RALGAPA2: variants seen among roughly 807,000 people sequenced by gnomAD.
RALGAPA2 encodes ral GTPase-activating protein subunit alpha-2.
RALGAPA2 carries 139 observed loss-of-function variants against 230.4 expected under a neutral mutation model. That is an observed-to-expected ratio of 0.60 (90% confidence interval 0.53 to 0.69). RALGAPA2 has a LOEUF of 0.69. Ranked by LOEUF, RALGAPA2 falls within the 30% of genes least tolerant of loss-of-function variation. The pLI, the probability that RALGAPA2 is intolerant of heterozygous loss-of-function variation, is 0.00. For missense variants in RALGAPA2, 2,163 were observed against 2,276.0 expected (o/e 0.95, Z 1.01); for synonymous variants, 847 against 837.8 (o/e 1.01, Z -0.19).
chr20:20,622,639 T>C (rs893911789), intron 10 of RALGAPA2, among the ~76,000 whole-genome samples: 6 of 152,140 alleles, frequency 3.9e-5, no homozygotes, highest in African/African-American at 4.8e-5. Context: ...TACAGACATT[T>C]TCAGATGAGA....
rs1282194455 is a variant in RALGAPA2, at chr20:20,398,276, C to G, written c.5618-1542G>C. 6.6e-6 allele frequency among the ~76,000 whole-genome samples: 1 copy of G among 152,210 alleles called. No individual in the cohort carries two copies. Among genetic ancestry groups the G allele is most frequent in the African/African-American group, 2.4e-5 (1 of 41,456 alleles). Reference sequence around the variant, plus strand: ...GCCCTGGTTATGCTGTGCGTACAGGCACCCGATTGGTAGAAACCAAGAAAG... The same window carrying G: ...GCCCTGGTTATGCTGTGCGTACAGGGACCCGATTGGTAGAAACCAAGAAAG... On this transcript the variant is annotated intron_variant, in intron 38 of 39. Coordinates refer to ENST00000202677, the MANE Select transcript of RALGAPA2 (RefSeq NM_020343.4). The surrounding 1 kb of genome is among the most constrained non-coding windows in gnomAD (Gnocchi z 4.5).
At chr20:20,669,236 C>T (rs946442340) in intron 3 of RALGAPA2, among the ~76,000 whole-genome samples, 2 of 152,282 alleles carry the variant, frequency 1.3e-5, no homozygotes, top group South Asian at 2.1e-4. Flanking sequence ...ACATGTATAA[C>T]TCCAAACTAT....
intron 9 of RALGAPA2, 144 bp from the exon 10 acceptor site, chr20:20,629,734 C>T (rs529816966): frequency 1.1e-5 from 8 of 732,698 alleles, no homozygotes; most frequent in East Asian, 2.7e-5. Flanking sequence ...GCTTGAAGCA[C>T]GATAGGCTCC....
chr20:20,602,619 G>GT (rs1227050842), intron 15 of RALGAPA2, among the ~76,000 whole-genome samples: 2 of 152,188 alleles, frequency 1.3e-5, no homozygotes, highest in African/African-American at 4.8e-5. Flanking sequence ...GAAGGCAAGT[G>GT]TTTCTATAAT....
chr20:20,397,740 C>T (rs1015274584), intron 38 of RALGAPA2, among the ~76,000 whole-genome samples: 5 of 152,194 alleles, frequency 3.3e-5, no homozygotes, highest in Admixed American at 2.6e-4. Flanking sequence ...CAGGAGGTGA[C>T]CACTAACATT....
chr20:20,583,349 G>T, intron 19 of RALGAPA2, 123 bp from the exon 20 acceptor site: 2 of 1,087,958 alleles, frequency 1.8e-6, no homozygotes, highest in Non-Finnish European at 1.3e-6. Context: ...CATGTTCTTT[G>T]GCAGAACCTG....
At chr20:20,660,276 G>A (rs2067729618) in intron 3 of RALGAPA2, among the ~76,000 whole-genome samples, 1 of 151,056 alleles carries the variant, frequency 6.6e-6, no homozygotes, top group South Asian at 2.1e-4. Context: ...CTTTGCCTCT[G>A]TGAGTTCTCA....
intron 1 of RALGAPA2, among the ~76,000 whole-genome samples, chr20:20,690,020 G>A (rs749847638): frequency 5.9e-5 from 9 of 151,908 alleles, no homozygotes; most frequent in Non-Finnish European, 1.3e-4. Context: ...ATCTTTTTCA[G>A]TCTAAGGTTA....
chr20:20,646,023 G>A (rs2067204099), intron 4 of RALGAPA2, among the ~76,000 whole-genome samples: 2 of 149,934 alleles, frequency 1.3e-5, no homozygotes, highest in South Asian at 4.2e-4. Flanking sequence ...CTGGTAATAA[G>A]TAGCTGAGAA....
intron 1 of RALGAPA2, among the ~76,000 whole-genome samples, chr20:20,681,648 A>C (rs1026819400): frequency 1.1e-4 from 17 of 152,318 alleles, no homozygotes; most frequent in Admixed American, 1.1e-3. Context: ...GTACTGACCA[A>C]GGAGTTGGCA....
chr20:20,600,427 G>A (rs541411638), intron 16 of RALGAPA2, among the ~76,000 whole-genome samples: 1 of 152,224 alleles, frequency 6.6e-6, no homozygotes, highest in Non-Finnish European at 1.5e-5. Context: ...CTCCTCAGGG[G>A]AGAGAATGAC....
rs369361752 is a variant in RALGAPA2, at chr20:20,456,838, CT to C, written c.5495+15990del. ...TTCTGCAAAAATCTTTATAAAGTTC[CT>C]TTTTTTTTTTAAGTGACAGTGTCTG... On this transcript the variant is annotated intron_variant, in intron 37 of 39. Coordinates refer to ENST00000202677, the MANE Select transcript of RALGAPA2 (RefSeq NM_020343.4). 9.6e-3 allele frequency among the ~76,000 whole-genome samples: 1,408 copies of C among 146,540 alleles called. 15 individuals are homozygous for C. The highest frequency in any genetic ancestry group is 0.03 in the African/African-American group (1,218 of 40,260).
At chr20:20,631,676 A>T (rs2066676636) in intron 9 of RALGAPA2, among the ~76,000 whole-genome samples, 1 of 152,206 alleles carries the variant, frequency 6.6e-6, no homozygotes, top group South Asian at 2.1e-4. Context: ...TGACTTTCAG[A>T]ACTGTAAGAT....
chr20:20,608,835 A>C (rs2065899100), intron 14 of RALGAPA2, among the ~76,000 whole-genome samples: 1 of 152,188 alleles, frequency 6.6e-6, no homozygotes. Flanking sequence ...CAGGGTAAGA[A>C]GAAGTCCTTT....
At chr20:20,533,247 G>C (rs962722824) in intron 26 of RALGAPA2, among the ~76,000 whole-genome samples, 1 of 151,876 alleles carries the variant, frequency 6.6e-6, no homozygotes, top group Non-Finnish European at 1.5e-5. Flanking sequence ...AAAAAATAAA[G>C]GTGGGATGGG....
chr20:20,484,395 A>G (rs976249540), intron 36 of RALGAPA2, among the ~76,000 whole-genome samples: 2 of 152,164 alleles, frequency 1.3e-5, no homozygotes, highest in South Asian at 2.1e-4. Flanking sequence ...ATGGAACTCC[A>G]TGGAGCACCA....
intron 18 of RALGAPA2, 84 bp from the exon 19 acceptor site, chr20:20,585,039 G>A: frequency 2.6e-6 from 2 of 758,262 alleles, no homozygotes; most frequent in Non-Finnish European, 2.1e-6. Flanking sequence ...AATTTCTAAA[G>A]AAAAAGAAAC....
chr20:20,571,978 G>T (rs1204728146), intron 21 of RALGAPA2, 32 bp from the exon 22 acceptor site: 1 of 1,428,056 alleles, frequency 7.0e-7, no homozygotes, highest in Non-Finnish European at 9.8e-7. Flanking sequence ...TTTAGGGTAG[G>T]TAACATTACG....
intron 38 of RALGAPA2, among the ~76,000 whole-genome samples, chr20:20,407,987 A>G (rs1316435482): frequency 1.3e-5 from 2 of 152,222 alleles, no homozygotes; most frequent in Non-Finnish European, 2.9e-5. Context: ...AGCCTTGACA[A>G]TCCAGCCTAT....
Sources: allele counts gnomAD v4.1 joint callset (sites outside exome capture counted in the v4.1 genomes callset), GRCh38; gene constraint gnomAD v4.1.1; non-coding constraint Gnocchi (gnomAD v3.1); transcripts MANE v1.5; gene names NCBI Gene and HGNC (gene_info 2026-07-23, HGNC 2026-07-21).